Variants in CPNE4 observed in about 807,000 individuals in gnomAD.
The protein encoded by CPNE4 is copine 4.
CPNE4 carries 25 observed loss-of-function variants against 67.9 expected under a neutral mutation model. That is an observed-to-expected ratio of 0.37 (90% CI 0.27 to 0.51). The LOEUF (loss-of-function observed/expected upper bound fraction) is 0.51, where lower values mean the gene tolerates loss of function less well. CPNE4 is among the 20% of genes least tolerant of loss of function. The pLI, the probability that CPNE4 is intolerant of heterozygous loss-of-function variation, is 0.93. For synonymous variants in CPNE4, 242 were observed against 244.9 expected, an observed-to-expected ratio of 0.99 and a Z score of 0.11; for missense variants, 464 against 690.8, an observed-to-expected ratio of 0.67 and a Z score of 3.68.
At chr3:131,818,964 C>G (rs112920296) in intron 2 of CPNE4, among the ~76,000 whole-genome samples, 4,793 of 152,012 alleles carry the variant, frequency 0.032, 173 homozygotes, top group South Asian at 0.095. Flanking sequence ...GCCAGGTGTA[C>G]TGGTGGGCAC....
chr3:131,945,661 T>C (rs956866737), intron 1 of CPNE4, among the ~76,000 whole-genome samples: 2 of 151,968 alleles, frequency 1.3e-5, no homozygotes, highest in African/African-American at 4.8e-5. Flanking sequence ...GAAAGCTCTT[T>C]CTACCTACTC....
chr3:131,545,920 G>T (rs1486466977), intron 14 of CPNE4, among the ~76,000 whole-genome samples: 2 of 152,176 alleles, frequency 1.3e-5, no homozygotes, highest in African/African-American at 4.8e-5. Flanking sequence ...AAATTGGCTG[G>T]GCGTGGTGGC....
At chr3:131,986,652 C>T (rs1047546143) in intron 1 of CPNE4, among the ~76,000 whole-genome samples, 1 of 152,016 alleles carries the variant, frequency 6.6e-6, no homozygotes, top group African/African-American at 2.4e-5. Context: ...AATCCCAGCA[C>T]TTTGGGAGGC....
chr3:131,705,843 G>A (rs2081402219), intron 3 of CPNE4, among the ~76,000 whole-genome samples: 2 of 152,176 alleles, frequency 1.3e-5, no homozygotes, highest in Admixed American at 1.3e-4. Context: ...GAGTTTTAAG[G>A]ACTGCTTGTG....
intron 1 of CPNE4, among the ~76,000 whole-genome samples, chr3:131,968,599 A>G (rs939354889): frequency 7.9e-5 from 12 of 152,226 alleles, no homozygotes; most frequent in African/African-American, 1.2e-4. Flanking sequence ...CAAACATTTG[A>G]AAAAAAGCTC....
At chr3:131,959,711 A>T (rs1414127061) in intron 1 of CPNE4, among the ~76,000 whole-genome samples, 2 of 152,206 alleles carry the variant, frequency 1.3e-5, no homozygotes, top group African/African-American at 2.4e-5. Flanking sequence ...CTGGAAAATA[A>T]GGGGACGTTG....
intron 2 of CPNE4, among the ~76,000 whole-genome samples, chr3:131,852,330 G>C (rs1165026486): frequency 6.6e-6 from 1 of 151,964 alleles, no homozygotes; most frequent in African/African-American, 2.4e-5. Context: ...TTATAGGTAA[G>C]TGGGTTTCAT....
At chr3:131,629,996 T>C (rs2079179225) in intron 7 of CPNE4, among the ~76,000 whole-genome samples, 1 of 152,120 alleles carries the variant, frequency 6.6e-6, no homozygotes, top group Non-Finnish European at 1.5e-5. Flanking sequence ...CTTCTTCTTG[T>C]GATGATATGA....
rs549960555 is a variant in CPNE4 at position 131,994,213 on chromosome 3, G to T, written c.-2+40354C>A. Among the ~76,000 whole-genome samples, 49 of 136,564 alleles carry T rather than the reference G, an allele frequency of 3.6e-4. 9 individuals carry two copies. Among genetic ancestry groups the T allele is most frequent in the Non-Finnish European group, 7.2e-4 (43 of 60,132 alleles). 89.6% of individuals were successfully genotyped at this position (136,564 alleles called of 152,430 possible). On this transcript the variant is annotated intron_variant, in intron 1 of 15. Transcript: ENST00000429747. ...ATTAAAGACCTGAACAAATGAAGAT[G>T]TATAACTCAACTTCATGGATTGGAA...
At chr3:131,890,909 A>G (rs1488290792) in intron 2 of CPNE4, among the ~76,000 whole-genome samples, 1 of 152,126 alleles carries the variant, frequency 6.6e-6, no homozygotes, top group Non-Finnish European at 1.5e-5. Flanking sequence ...GAAATACAGA[A>G]GTTGACAAAA....
chr3:131,713,963 T>C (rs2081620757), intron 3 of CPNE4, among the ~76,000 whole-genome samples: 1 of 152,116 alleles, frequency 6.6e-6, no homozygotes, highest in Non-Finnish European at 1.5e-5. Flanking sequence ...ATGATGTGAT[T>C]ACTTATGACA....
chr3:131,573,962 G>A (rs1582825241), intron 10 of CPNE4, among the ~76,000 whole-genome samples: 1 of 152,018 alleles, frequency 6.6e-6, no homozygotes, highest in Admixed American at 6.6e-5. Flanking sequence ...CCTGAGATTA[G>A]GGCAGAGGAT....
chr3:131,695,660 T>C (rs1286375270), intron 5 of CPNE4, among the ~76,000 whole-genome samples: 1 of 152,202 alleles, frequency 6.6e-6, no homozygotes, highest in Non-Finnish European at 1.5e-5. Flanking sequence ...AAGGTGAAGT[T>C]AAAAGCTTGC....
At chr3:131,874,046 G>T (rs1335312424) in intron 2 of CPNE4, among the ~76,000 whole-genome samples, 3 of 151,874 alleles carry the variant, frequency 2.0e-5, no homozygotes, top group African/African-American at 7.2e-5. Context: ...CTATTTCAGT[G>T]CCTTGGGGTC....
At chr3:131,738,854 C>CTT (rs34053204) in intron 2 of CPNE4, among the ~76,000 whole-genome samples, 1,506 of 140,106 alleles carry the variant, frequency 0.011, 22 homozygotes, top group East Asian at 0.037. Context: ...TTTTCTTTTT[C>CTT]TTTTTTTTTT....
chr3:131,764,256 C>A (rs2082955172), intron 2 of CPNE4, among the ~76,000 whole-genome samples: 1 of 146,052 alleles, frequency 6.8e-6, no homozygotes, highest in Admixed American at 7.0e-5. Flanking sequence ...ATAGGATGAA[C>A]AGTGTGACCC....
At chr3:131,661,109 A>C (rs543804199) in intron 7 of CPNE4, among the ~76,000 whole-genome samples, 38 of 152,234 alleles carry the variant, frequency 2.5e-4, no homozygotes, top group Non-Finnish European at 3.8e-4. Flanking sequence ...TCTATTACAC[A>C]GGGGCTCTTT....
intron 2 of CPNE4, among the ~76,000 whole-genome samples, chr3:131,749,956 G>A (rs997331334): frequency 6.6e-6 from 1 of 152,114 alleles, no homozygotes; most frequent in African/African-American, 2.4e-5. Context: ...CCAGCATCAG[G>A]TGAGGGCCTT....
intron 2 of CPNE4, among the ~76,000 whole-genome samples, chr3:131,857,906 G>A (rs2086514840): frequency 6.6e-6 from 1 of 151,910 alleles, no homozygotes; most frequent in Non-Finnish European, 1.5e-5. Context: ...AAAAGAAAGA[G>A]TAAAAACTTC....
Sources: allele counts gnomAD v4.1 joint callset (sites outside exome capture counted in the v4.1 genomes callset), GRCh38; gene constraint gnomAD v4.1.1; transcripts MANE v1.5; gene names NCBI Gene and HGNC (gene_info 2026-07-23, HGNC 2026-07-21).